Variants in ADGRB3 observed in about 807,000 individuals in gnomAD.
ADGRB3 encodes brain-specific angiogenesis inhibitor 3.
Under a neutral mutation model 193.4 loss-of-function variants are expected in ADGRB3, and 37 were observed. That is an observed-to-expected ratio of 0.19 (90% CI 0.15 to 0.25). The LOEUF (loss-of-function observed/expected upper bound fraction) is 0.25, where lower values mean the gene tolerates loss of function less well. ADGRB3 is among the 10% of genes least tolerant of loss of function. The pLI, the probability that ADGRB3 is intolerant of heterozygous loss-of-function variation, is 1.00. For synonymous variants in ADGRB3, 690 were observed against 644.2 expected, an observed-to-expected ratio of 1.07 and a Z score of -1.08; for missense variants, 1,637 against 1,852.9, an observed-to-expected ratio of 0.88 and a Z score of 2.14.
intron 15 of ADGRB3, among the ~76,000 whole-genome samples, chr6:69,052,433 T>C (rs1333556316): frequency 2.0e-5 from 3 of 152,224 alleles, no homozygotes; most frequent in African/African-American, 7.2e-5. Flanking sequence ...ATATTCCTTG[T>C]TGAGGATTTT....
chr6:69,251,265 T>C (rs1279913721), intron 20 of ADGRB3, among the ~76,000 whole-genome samples: 1 of 152,208 alleles, frequency 6.6e-6, no homozygotes, highest in Non-Finnish European at 1.5e-5. Context: ...TTACGTATGT[T>C]CTGCAGATAA....
At chr6:69,072,497 G>T (rs542954927) in intron 16 of ADGRB3, among the ~76,000 whole-genome samples, 1 of 152,192 alleles carries the variant, frequency 6.6e-6, no homozygotes, top group South Asian at 2.1e-4. Context: ...AAGGAAAGAA[G>T]TATCCAAACA....
At chr6:69,003,382 T>A (rs1769643074) in intron 11 of ADGRB3, among the ~76,000 whole-genome samples, 1 of 152,126 alleles carries the variant, frequency 6.6e-6, no homozygotes, top group African/African-American at 2.4e-5. Context: ...GCAGGGAATG[T>A]ATCAGGGAAA....
chr6:68,668,964 C>G (rs1768870872), intron 3 of ADGRB3, among the ~76,000 whole-genome samples: 1 of 151,822 alleles, frequency 6.6e-6, no homozygotes. Flanking sequence ...TTCCTGTGGT[C>G]TGGTGAATAA....
intron 15 of ADGRB3, among the ~76,000 whole-genome samples, chr6:69,055,804 TTTG>T (rs1379589952): frequency 6.8e-6 from 1 of 146,290 alleles, no homozygotes; most frequent in African/African-American, 2.4e-5. Flanking sequence ...TTTTTTTGTT[TTTG>T]TTTTTTTTTG....
intron 3 of ADGRB3, among the ~76,000 whole-genome samples, chr6:68,861,111 C>T: frequency 6.6e-6 from 1 of 152,144 alleles, no homozygotes; most frequent in Non-Finnish European, 1.5e-5. Context: ...TGTCTGAGAA[C>T]CACTGTGCTA....
intron 13 of ADGRB3, among the ~76,000 whole-genome samples, chr6:69,025,106 A>AT (rs1225686248): frequency 6.7e-6 from 1 of 150,180 alleles, no homozygotes; most frequent in Admixed American, 6.6e-5. Context: ...AAAAAAAAAA[A>AT]AAATAAAAAA....
chr6:68,761,246 AATAG>A (rs1233697291), intron 3 of ADGRB3, among the ~76,000 whole-genome samples: 3 of 152,240 alleles, frequency 2.0e-5, no homozygotes, highest in Non-Finnish European at 2.9e-5. Context: ...AGGGAGAAAT[AATAG>A]ATAGTATGTA....
chr6:68,996,008 C>A (rs560198995), intron 11 of ADGRB3, among the ~76,000 whole-genome samples: 1 of 152,218 alleles, frequency 6.6e-6, no homozygotes, highest in African/African-American at 2.4e-5. Context: ...CATCAATATT[C>A]TTTGAACTTC....
intron 3 of ADGRB3, among the ~76,000 whole-genome samples, chr6:68,815,190 G>T (rs189477773): frequency 1.1e-4 from 16 of 152,198 alleles, no homozygotes; most frequent in Admixed American, 3.9e-4. Context: ...CCAGTCCTTC[G>T]CGGCTCCTAC....
intron 20 of ADGRB3, among the ~76,000 whole-genome samples, chr6:69,305,197 T>C (rs1231093261): frequency 6.6e-6 from 1 of 151,564 alleles, no homozygotes; most frequent in Non-Finnish European, 1.5e-5. Flanking sequence ...AGGAATTTTA[T>C]TATTGAAAAT....
At chr6:69,172,151 C>T (rs565519612) in intron 17 of ADGRB3, among the ~76,000 whole-genome samples, 22 of 152,230 alleles carry the variant, frequency 1.4e-4, no homozygotes, top group Admixed American at 1.2e-3. Context: ...GACCACCTAT[C>T]CCCCACATTT....
At chr6:69,180,629 G>C (rs1283934702) in intron 17 of ADGRB3, among the ~76,000 whole-genome samples, 2 of 152,166 alleles carry the variant, frequency 1.3e-5, no homozygotes, top group East Asian at 3.9e-4. Context: ...ACCAGTTCCA[G>C]GTTGCCAAGC....
At chr6:68,700,239 A>G (rs1244899234) in intron 3 of ADGRB3, among the ~76,000 whole-genome samples, 1 of 152,170 alleles carries the variant, frequency 6.6e-6, no homozygotes, top group Non-Finnish European at 1.5e-5. Flanking sequence ...GAAGTTTCAA[A>G]TCCAAACAAG....
chr6:68,694,812 T>C (rs1765131119), intron 3 of ADGRB3, among the ~76,000 whole-genome samples: 1 of 152,060 alleles, frequency 6.6e-6, no homozygotes. Flanking sequence ...TAGGCCAGGG[T>C]TCCTGTCTTT....
At chr6:69,044,097 G>A (rs1389318061) in intron 13 of ADGRB3, among the ~76,000 whole-genome samples, 1 of 152,088 alleles carries the variant, frequency 6.6e-6, no homozygotes. Context: ...GAACAGATCT[G>A]TAAAATCTAG....
At chr6:69,282,419 A>G (rs1382806448) in intron 20 of ADGRB3, among the ~76,000 whole-genome samples, 1 of 152,162 alleles carries the variant, frequency 6.6e-6, no homozygotes, top group East Asian at 1.9e-4. Context: ...AGACAAATTT[A>G]ATGAAGGCAC....
At chr6:69,345,463 A>T (rs941303066) in intron 26 of ADGRB3, among the ~76,000 whole-genome samples, 5 of 152,190 alleles carry the variant, frequency 3.3e-5, no homozygotes, top group Non-Finnish European at 5.9e-5. Flanking sequence ...AAATCAATAA[A>T]TGTAATCCAT....
At chr6:68,884,365 A>C (rs1562070816) in intron 3 of ADGRB3, among the ~76,000 whole-genome samples, 1 of 152,220 alleles carries the variant, frequency 6.6e-6, no homozygotes, top group Non-Finnish European at 1.5e-5. Flanking sequence ...CGCTGCAAAG[A>C]CATCATGGAG....
Sources: gnomAD v4.1 joint callset for allele counts (sites outside exome capture counted in the v4.1 genomes callset) on GRCh38, gnomAD v4.1.1 for gene constraint, MANE v1.5 for transcripts, NCBI Gene and HGNC (gene_info 2026-07-23, HGNC 2026-07-21) for gene names.